Variants in PAM observed in about 807,000 individuals in gnomAD.
PAM encodes peptidylglycine alpha-amidating monooxygenase, also known as peptidyl-glycine alpha-amidating monooxygenase.
PAM carries 72 observed loss-of-function variants against 122.1 expected under a neutral mutation model. That is an observed-to-expected ratio of 0.59 (90% CI 0.49 to 0.72). PAM has a LOEUF of 0.72. Ranked by LOEUF, PAM falls within the 30% of genes least tolerant of loss-of-function variation. The probability of loss-of-function intolerance (pLI) is 0.00; values close to 1 mark genes in which losing one functional copy is unlikely to be tolerated. For synonymous variants in PAM, 389 were observed against 404.4 expected (o/e 0.96, Z 0.46); for missense variants, 1,106 against 1,183.7 (o/e 0.93, Z 0.96).
chr5:102,968,626 T>G (rs1356215939), intron 14 of PAM, among the ~76,000 whole-genome samples: 9 of 152,314 alleles, frequency 5.9e-5, no homozygotes, highest in African/African-American at 2.2e-4. Context: ...AGTTTATGCC[T>G]AGTATAAATA....
chr5:103,018,402 G>C (rs539541637), intron 22 of PAM, among the ~76,000 whole-genome samples: 2 of 152,276 alleles, frequency 1.3e-5, no homozygotes, highest in African/African-American at 4.8e-5. Context: ...TATAGGGCTT[G>C]GATCTCAATT....
In PAM at chr5:102,875,217, A is replaced by G. The variant is rs141970092; in HGVS notation, c.210+7824A>G. ...TATTATTATTATTATTATTTGAGGT[A>G]GGATCTCACTGTGTCACCCAGGCTG... On this transcript the variant is annotated intron_variant, in intron 3 of 25. Transcript: ENST00000438793. Among the ~76,000 whole-genome samples the G allele has an allele frequency of 3.4e-3, 514 of 151,820 alleles. 4 individuals carry two copies. The highest frequency in any genetic ancestry group is 9.4e-3 in the Admixed American group (144 of 15,254).
At chr5:102,952,218 C>A (rs954496743) in intron 12 of PAM, among the ~76,000 whole-genome samples, 1 of 151,986 alleles carries the variant, frequency 6.6e-6, no homozygotes, top group Non-Finnish European at 1.5e-5. Flanking sequence ...CAGTTTGCAG[C>A]GGGGAGGTTT....
intron 1 of PAM, 159 bp downstream of exon 1, chr5:102,755,507 T>TG (rs1580675410): frequency 4.6e-5 from 1 of 21,784 alleles, no homozygotes; most frequent in Admixed American, 4.2e-4. Context: ...GGGTCGGGGG[T>TG]GGGGGGATGG....
intron 1 of PAM, among the ~76,000 whole-genome samples, chr5:102,822,161 C>A (rs1414643257): frequency 6.6e-6 from 1 of 152,176 alleles, no homozygotes; most frequent in Non-Finnish European, 1.5e-5. Flanking sequence ...TTATGGCCGG[C>A]CCCCTGAGCA....
intron 16 of PAM, among the ~76,000 whole-genome samples, chr5:102,994,248 C>T (rs1774999640): frequency 6.6e-6 from 1 of 152,054 alleles, no homozygotes; most frequent in Non-Finnish European, 1.5e-5. Flanking sequence ...AATTATGGGA[C>T]CCATCTAGAT....
intron 1 of PAM, among the ~76,000 whole-genome samples, chr5:102,756,834 T>TA (rs1315422446): frequency 6.6e-6 from 1 of 152,310 alleles, no homozygotes; most frequent in South Asian, 2.1e-4. Flanking sequence ...CCTGACTTAA[T>TA]AGGCATTTTC....
chr5:102,854,366 G>A (rs1317132867), intron 1 of PAM, among the ~76,000 whole-genome samples: 2 of 151,908 alleles, frequency 1.3e-5, no homozygotes, highest in African/African-American at 2.4e-5. Context: ...TACTGCCTGC[G>A]GGCCTCCTTA....
At chr5:102,844,371 A>G (rs901487529) in intron 1 of PAM, among the ~76,000 whole-genome samples, 4 of 152,170 alleles carry the variant, frequency 2.6e-5, no homozygotes, top group Admixed American at 2.6e-4. Flanking sequence ...ATTTCTTCCA[A>G]CTGCATGTGA....
intron 4 of PAM, among the ~76,000 whole-genome samples, chr5:102,906,928 T>C (rs1799740834): frequency 1.3e-5 from 2 of 151,750 alleles, no homozygotes; most frequent in Non-Finnish European, 2.9e-5. Flanking sequence ...GCTTATGCTG[T>C]TTTATCTTGC....
intron 3 of PAM, among the ~76,000 whole-genome samples, chr5:102,891,101 G>A (rs1320173906): frequency 6.6e-6 from 1 of 151,784 alleles, no homozygotes; most frequent in Non-Finnish European, 1.5e-5. Context: ...TGTTTTTATA[G>A]GATCAAATCC....
At chr5:102,768,724 T>C (rs1754889448) in intron 1 of PAM, among the ~76,000 whole-genome samples, 1 of 152,224 alleles carries the variant, frequency 6.6e-6, no homozygotes, top group Non-Finnish European at 1.5e-5. Context: ...ACACATTTTC[T>C]CTGTCCATTG....
At chr5:102,955,999 T>C (rs1760604754) in intron 12 of PAM, among the ~76,000 whole-genome samples, 1 of 152,192 alleles carries the variant, frequency 6.6e-6, no homozygotes, top group African/African-American at 2.4e-5. Flanking sequence ...CTCTGTCACA[T>C]AGGAGCTCAG....
At chr5:102,831,211 C>T (rs1018030976) in intron 1 of PAM, among the ~76,000 whole-genome samples, 1 of 152,034 alleles carries the variant, frequency 6.6e-6, no homozygotes, top group Non-Finnish European at 1.5e-5. Context: ...TCATGGAAAC[C>T]GTTACTTGAA....
At position 102,823,727 on chromosome 5, in the gene PAM, C is replaced by T. The variant is rs541348053; in HGVS notation, c.-373-42096C>T. Among the ~76,000 whole-genome samples, 44 of 152,304 alleles carry T rather than the reference C, an allele frequency of 2.9e-4. 1 individual carries two copies. In the South Asian group the frequency reaches 8.7e-3, roughly 30 times the overall value. ...AACTGAAATATGACCCAGAATTAAG[C>T]TCTAAAGTCCAGTAGTCCTGAGTTT... is the stretch of plus-strand genomic sequence containing the variant. On this transcript the variant is annotated intron_variant, in intron 1 of 25. Transcript: ENST00000438793.
intron 1 of PAM, among the ~76,000 whole-genome samples, chr5:102,814,133 A>C (rs779099360): frequency 3.2e-4 from 49 of 152,358 alleles, no homozygotes; most frequent in Non-Finnish European, 6.5e-4. Context: ...GGGGATGGCA[A>C]CTGGAGACCA....
In PAM at chr5:102,814,530, T is replaced by TATAC. The variant is rs1173017382; in HGVS notation, c.-373-51289_-373-51286dup. Among the ~76,000 whole-genome samples, 9 of 149,096 alleles carry TATAC rather than the reference T, an allele frequency of 6.0e-5. No homozygotes were observed. The East Asian group carries it at 1.7e-3, about 29-fold the overall frequency. On this transcript the variant is annotated intron_variant, in intron 1 of 25. Transcript: ENST00000438793. ...CTCTCTCTCTCTCCCTCTCTCTATA[T>TATAC]ATACATATATATTGATATATACATA...
At chr5:102,960,118 G>A (rs1762023374) in intron 13 of PAM, 59 bp downstream of exon 13, 1 of 945,772 alleles carries the variant, frequency 1.1e-6, no homozygotes, top group Non-Finnish European at 1.6e-6. Flanking sequence ...ATTTTTGTAT[G>A]TATCTTGTTT....
intron 1 of PAM, among the ~76,000 whole-genome samples, chr5:102,780,795 CTTTCTTTCTT>C (rs1457229908): frequency 2.1e-5 from 3 of 142,216 alleles, no homozygotes; most frequent in Non-Finnish European, 3.1e-5. Context: ...TTCTTTCTTT[CTTTCTTTCTT>C]TCTTTCTTTC....
Sources: allele counts gnomAD v4.1 joint callset (sites outside exome capture counted in the v4.1 genomes callset), GRCh38; gene constraint gnomAD v4.1.1; transcripts MANE v1.5; gene names NCBI Gene and HGNC (gene_info 2026-07-23, HGNC 2026-07-21).